The following RAD54L2 variants were observed in gnomAD, a reference collection of about 807,000 sequenced individuals.
RAD54L2 encodes the protein RAD54 like 2.
Under a neutral mutation model 138.4 loss-of-function variants are expected in RAD54L2, and 27 were observed. The observed-to-expected ratio is 0.20, with a 90% CI of 0.14 to 0.27. RAD54L2 has a LOEUF of 0.27. RAD54L2 is among the 10% of genes least tolerant of loss of function. The pLI is 1.00. For missense variants in RAD54L2, 1,396 were observed against 1,890.2 expected, an observed-to-expected ratio of 0.74 and a Z score of 4.85; for synonymous variants, 644 against 723.2, an observed-to-expected ratio of 0.89 and a Z score of 1.76.
At chr3:51,610,314 A>G (rs1700298384) in intron 3 of RAD54L2, among the ~76,000 whole-genome samples, 1 of 152,118 alleles carries the variant, frequency 6.6e-6, no homozygotes, top group Non-Finnish European at 1.5e-5. Context: ...TAAAGAATGA[A>G]TCTTTGGGAC....
At chr3:51,635,291 A>T (rs895215053) in intron 9 of RAD54L2, among the ~76,000 whole-genome samples, 1 of 152,170 alleles carries the variant, frequency 6.6e-6, no homozygotes, top group East Asian at 1.9e-4. Flanking sequence ...ATGCCTGAAT[A>T]TCCAAGGGGG....
rs1024935108 is a variant in RAD54L2, at chr3:51,667,834, C to T, written c.*4414C>T. The T allele has an allele frequency of 6.6e-6, 1 of 152,188 alleles. No individual in the cohort carries two copies. The highest frequency in any genetic ancestry group is 1.5e-5 in the Non-Finnish European group (1 of 68,090). The allele number at this position is 152,188 out of a possible 1,614,324, so 9.4% of individuals were successfully genotyped here. ...TTCTTGAGCAGGCAGTGTCCAACTTCTTTGCTCTTCAGGGACCTGAGTGTG... is the reference window on the plus strand; with the variant it reads ...TTCTTGAGCAGGCAGTGTCCAACTTTTTTGCTCTTCAGGGACCTGAGTGTG... On this transcript the variant is annotated 3_prime_UTR_variant, in exon 23 of 23. Transcript: ENST00000684192.
At chr3:51,621,492 A>G (rs554940098) in intron 3 of RAD54L2, among the ~76,000 whole-genome samples, 44 of 152,334 alleles carry the variant, frequency 2.9e-4, no homozygotes, top group African/African-American at 1.1e-3. Flanking sequence ...TCTGTTGGTG[A>G]TATTGAAAGG....
At chr3:51,660,568 C>T (rs370981275) in intron 22 of RAD54L2, among the ~76,000 whole-genome samples, 5 of 151,766 alleles carry the variant, frequency 3.3e-5, no homozygotes, top group Admixed American at 6.6e-5. Context: ...GCCTCAGCCT[C>T]CCAAAATGCT....
rs957001349 is a variant in RAD54L2, at chr3:51,667,534, T to G, written c.*4114T>G. ...ATGGCCTTCTGTGCACCCAGCTCAG[T>G]GGCTCTTCACCCCTAAAACTAAGTG... is the stretch of plus-strand genomic sequence containing the variant. On this transcript the variant is annotated 3_prime_UTR_variant, in exon 23 of 23. Coordinates refer to ENST00000684192, the MANE Select transcript of RAD54L2 (RefSeq NM_015106.4). The G allele has an allele frequency of 2.0e-5, 3 of 152,314 alleles. No individual in the cohort carries two copies. Among genetic ancestry groups the G allele is most frequent in the African/African-American group, 7.2e-5 (3 of 41,452 alleles). 9.4% of individuals were successfully genotyped at this position (152,314 alleles called of 1,614,324 possible).
At chr3:51,648,290 C>T (rs573138084) in intron 19 of RAD54L2, among the ~76,000 whole-genome samples, 22 of 152,318 alleles carry the variant, frequency 1.4e-4, no homozygotes, top group Admixed American at 3.9e-4. Context: ...ACAAAGCAGC[C>T]CAGAAGCTCC....
rs955655443 is a variant in RAD54L2, at chr3:51,639,598, T to C, written c.2040T>C (p.Asn680=). ...TLASSMGEAT[N]SKFLQGVGFN... is the part of the protein sequence containing the mutation. ...CTTCCTCGATGGGAGAGGCAACCAA[T>C]AGCAAGTTCCTACAGGGCGTTGGCT... Residue 680 remains asparagine, a synonymous_variant, in exon 13 of 23, where the codon AAT becomes AAC. Transcript: ENST00000684192. 5.0e-6 allele frequency: 8 copies of C among 1,613,794 alleles called. No homozygotes were observed. In the Admixed American group the frequency reaches 1.2e-4, roughly 24 times the overall value.
intron 15 of RAD54L2, among the ~76,000 whole-genome samples, chr3:51,642,780 A>AC (rs1559649526): frequency 6.6e-6 from 1 of 151,948 alleles, no homozygotes; most frequent in Non-Finnish European, 1.5e-5. Flanking sequence ...TAGCAAGAAG[A>AC]CCCCCAGCAC....
intron 14 of RAD54L2, among the ~76,000 whole-genome samples, chr3:51,640,616 G>C (rs1701107452): frequency 6.6e-6 from 1 of 152,232 alleles, no homozygotes; most frequent in South Asian, 2.1e-4. Flanking sequence ...AGGAGCCTCA[G>C]AGTGAGGGCT....
rs181462551 is a variant in RAD54L2, at chr3:51,592,377, T to A, written c.139+1818T>A. Among the ~76,000 whole-genome samples the A allele has an allele frequency of 3.4e-3, 515 of 152,166 alleles. 4 individuals carry two copies. Among genetic ancestry groups the A allele is most frequent in the Middle Eastern group, 3.4e-3 (1 of 292 alleles). On this transcript the variant is annotated intron_variant, in intron 3 of 22. Transcript: ENST00000684192. ...CCATGCCCGGCCTTAAATACTTTTT[T>A]AAAATTTTAAAATGACTCATTTTTA... is the stretch of plus-strand genomic sequence containing the variant.
At chr3:51,598,097 A>G (rs1700004805) in intron 3 of RAD54L2, among the ~76,000 whole-genome samples, 1 of 145,496 alleles carries the variant, frequency 6.9e-6, no homozygotes, top group South Asian at 2.1e-4. Context: ...TACCCATGAT[A>G]TATATATATA....
rs188942209 is a variant in RAD54L2 at position 51,619,279 on chromosome 3, G to A, written c.140-8274G>A. ...TCACCATGTTGGTCAGGCCGGTCTC[G>A]AACTCCTGACCTCGTGATCCGTCTG... On this transcript the variant is annotated intron_variant, in intron 3 of 22. Transcript: ENST00000684192. Among the ~76,000 whole-genome samples, 24 of 152,230 alleles carry A rather than the reference G, an allele frequency of 1.6e-4. No homozygotes were observed. In the East Asian group the frequency reaches 3.5e-3, roughly 22 times the overall value.
intron 2 of RAD54L2, among the ~76,000 whole-genome samples, chr3:51,551,342 A>C (rs1251652676): frequency 6.6e-6 from 1 of 151,976 alleles, no homozygotes; most frequent in Non-Finnish European, 1.5e-5. Context: ...TATGTTTCCC[A>C]GGCTGGTCTT....
At position 51,554,332 on chromosome 3, in the gene RAD54L2, A is replaced by G. The variant is rs550587697; in HGVS notation, c.-55+12682A>G. On this transcript the variant is annotated intron_variant, in intron 2 of 22. Coordinates refer to ENST00000684192, the MANE Select transcript of RAD54L2 (RefSeq NM_015106.4). ...CAGTGAGCTGAGATCATGCCACTGCACTCCAGCCTGGGCGACAAAGCGAGA... is the reference window on the plus strand; with the variant it reads ...CAGTGAGCTGAGATCATGCCACTGCGCTCCAGCCTGGGCGACAAAGCGAGA... Among the ~76,000 whole-genome samples, 13 of 149,974 alleles carry G rather than the reference A, an allele frequency of 8.7e-5. No individual in the cohort carries two copies. The South Asian group carries it at 2.1e-3, about 24-fold the overall frequency.
intron 3 of RAD54L2, among the ~76,000 whole-genome samples, chr3:51,607,445 A>C (rs1237050268): frequency 6.6e-6 from 1 of 152,226 alleles, no homozygotes; most frequent in African/African-American, 2.4e-5. Context: ...GATCAACAGC[A>C]TCCCAAGGCA....
At chr3:51,629,524 C>G (rs901423962) in intron 5 of RAD54L2, 51 bp downstream of exon 5, 25 of 1,594,664 alleles carry the variant, frequency 1.6e-5, no homozygotes, top group Admixed American at 3.5e-5. Flanking sequence ...AGGAAGAAGC[C>G]CTAGGTGCAC....
At chr3:51,552,349 G>T (rs563109450) in intron 2 of RAD54L2, among the ~76,000 whole-genome samples, 1 of 151,196 alleles carries the variant, frequency 6.6e-6, no homozygotes, top group East Asian at 2.0e-4. Flanking sequence ...TGCAAGCTCC[G>T]CCTCCCGGGT....
At chr3:51,547,482 T>C (rs1553672537) in intron 2 of RAD54L2, among the ~76,000 whole-genome samples, 1 of 152,122 alleles carries the variant, frequency 6.6e-6, no homozygotes, top group East Asian at 1.9e-4. Flanking sequence ...TATGGTTTTA[T>C]AGTACCATCA....
chr3:51,661,793 C>G (rs1051013573), intron 22 of RAD54L2, among the ~76,000 whole-genome samples: 5 of 152,162 alleles, frequency 3.3e-5, no homozygotes, highest in Non-Finnish European at 7.3e-5. Flanking sequence ...CTCTCCCTCC[C>G]TTTCTATTAT....
Sources: allele counts gnomAD v4.1 joint callset (sites outside exome capture counted in the v4.1 genomes callset), GRCh38; gene constraint gnomAD v4.1.1; transcripts MANE v1.5; gene names NCBI Gene and HGNC (gene_info 2026-07-23, HGNC 2026-07-21).